Variants in TMEM132C observed in about 807,000 individuals in gnomAD.
The protein encoded by TMEM132C is transmembrane protein 132C, also known as protein phosphatase 1, regulatory subunit 152.
TMEM132C carries 29 observed loss-of-function variants against 61.4 expected under a neutral mutation model. That is an observed-to-expected ratio of 0.47 (90% CI 0.35 to 0.64). TMEM132C has a LOEUF of 0.64. Among genes scored for constraint, TMEM132C ranks in the 30% least tolerant of loss-of-function variants. The pLI, the probability that TMEM132C is intolerant of heterozygous loss-of-function variation, is 0.00. For synonymous variants in TMEM132C, 656 were observed against 633.1 expected (o/e 1.04, Z -0.54); for missense variants, 1,408 against 1,476.9 (o/e 0.95, Z 0.76).
At chr12:128,516,334 C>T (rs546754130) in intron 2 of TMEM132C, among the ~76,000 whole-genome samples, 9 of 152,258 alleles carry the variant, frequency 5.9e-5, no homozygotes, top group East Asian at 5.8e-4. Flanking sequence ...GCAGCTCTCA[C>T]GTGCGTTAGG....
At chr12:128,701,148 G>C (rs1593153944) in intron 8 of TMEM132C, among the ~76,000 whole-genome samples, 1 of 151,974 alleles carries the variant, frequency 6.6e-6, no homozygotes, top group Non-Finnish European at 1.5e-5. Flanking sequence ...TTCATTGAGG[G>C]CTGCCCACAG....
chr12:128,440,688 G>A (rs1869752409), intron 2 of TMEM132C, among the ~76,000 whole-genome samples: 1 of 152,236 alleles, frequency 6.6e-6, no homozygotes, highest in Non-Finnish European at 1.5e-5. Context: ...GGGAAAGTGA[G>A]TTTCTAGCTT....
At chr12:128,548,900 T>C (rs11829846) in intron 3 of TMEM132C, among the ~76,000 whole-genome samples, 9,354 of 152,310 alleles carry the variant, frequency 0.061, 872 homozygotes, top group African/African-American at 0.21. Context: ...ATTTAAAGTA[T>C]GCAGGAGGAT....
intron 1 of TMEM132C, among the ~76,000 whole-genome samples, chr12:128,332,770 T>G (rs563479514): frequency 6.6e-6 from 1 of 152,316 alleles, no homozygotes; most frequent in Non-Finnish European, 1.5e-5. Flanking sequence ...CTCTCCCTTC[T>G]TTTCCTCTAG....
chr12:128,498,749 A>T (rs1029225715), intron 2 of TMEM132C, among the ~76,000 whole-genome samples: 9 of 152,188 alleles, frequency 5.9e-5, no homozygotes, highest in African/African-American at 1.9e-4. Flanking sequence ...AAATGAAATT[A>T]AAAAATTTTC....
rs1301589419 is a variant in TMEM132C, at chr12:128,343,508, T to A, written c.86-71224T>A. 3.3e-5 allele frequency among the ~76,000 whole-genome samples: 5 copies of A among 152,156 alleles called. No individual in the cohort carries two copies. In the East Asian group the frequency reaches 7.7e-4, roughly 23 times the overall value. On this transcript the variant is annotated intron_variant, in intron 1 of 8. Coordinates refer to ENST00000435159, the MANE Select transcript of TMEM132C (RefSeq NM_001136103.3). ...TACTGTTACCAGTTTCTCATAAGGT[T>A]AGAGCTGTTGGCCCTTACTGAGTAT... is the stretch of plus-strand genomic sequence containing the variant.
At chr12:128,619,121 A>G (rs1222906951) in intron 4 of TMEM132C, among the ~76,000 whole-genome samples, 1 of 152,220 alleles carries the variant, frequency 6.6e-6, no homozygotes, top group East Asian at 1.9e-4. Context: ...ACTGAGCACA[A>G]AGCAAATCCT....
At chr12:128,338,869 C>T (rs1295777732) in intron 1 of TMEM132C, among the ~76,000 whole-genome samples, 1 of 151,336 alleles carries the variant, frequency 6.6e-6, no homozygotes, top group Non-Finnish European at 1.5e-5. Context: ...GAGGCAAGCC[C>T]AGGCTCCCCT....
chr12:128,498,582 A>G (rs6486691), intron 2 of TMEM132C, among the ~76,000 whole-genome samples: 54,507 of 151,862 alleles, frequency 0.36, 10,015 homozygotes, highest in East Asian at 0.57. Context: ...GGCTGAGGCA[A>G]GAGAATTGCT....
chr12:128,670,760 G>A (rs967550813), intron 5 of TMEM132C, among the ~76,000 whole-genome samples: 1 of 152,186 alleles, frequency 6.6e-6, no homozygotes, highest in Admixed American at 6.5e-5. Flanking sequence ...AATAAGTGAA[G>A]TGGTAAATTG....
intron 2 of TMEM132C, among the ~76,000 whole-genome samples, chr12:128,517,870 C>T (rs975605588): frequency 2.6e-5 from 4 of 152,078 alleles, no homozygotes; most frequent in Non-Finnish European, 5.9e-5. Flanking sequence ...TGCAAATCTT[C>T]GTGTAATGCC....
intron 2 of TMEM132C, among the ~76,000 whole-genome samples, chr12:128,427,636 C>A (rs1869240780): frequency 6.6e-6 from 1 of 152,052 alleles, no homozygotes; most frequent in Non-Finnish European, 1.5e-5. Flanking sequence ...GATACTCCAT[C>A]CAGCTACGTT....
chr12:128,590,507 G>A (rs2135566035), intron 3 of TMEM132C, among the ~76,000 whole-genome samples: 1 of 152,332 alleles, frequency 6.6e-6, no homozygotes, highest in African/African-American at 2.4e-5. Context: ...CCAAGGCTGT[G>A]TGAGTCAAGG....
chr12:128,470,679 A>G (rs1228627253), intron 2 of TMEM132C, among the ~76,000 whole-genome samples: 1 of 152,204 alleles, frequency 6.6e-6, no homozygotes, highest in Non-Finnish European at 1.5e-5. Flanking sequence ...GTTCAGTCAA[A>G]TTTACTATGC....
intron 1 of TMEM132C, among the ~76,000 whole-genome samples, chr12:128,391,642 G>A (rs1413929068): frequency 6.6e-6 from 1 of 152,194 alleles, no homozygotes; most frequent in African/African-American, 2.4e-5. Flanking sequence ...TCATGAACCA[G>A]CCTTAGGAGG....
chr12:128,619,536 G>GT (rs1953937950), intron 4 of TMEM132C, among the ~76,000 whole-genome samples: 1 of 152,180 alleles, frequency 6.6e-6, no homozygotes, highest in Admixed American at 6.5e-5. Flanking sequence ...CAAGGCCACC[G>GT]TTTTGCTCGT....
At chr12:128,299,861 C>G (rs1871541542) in intron 1 of TMEM132C, among the ~76,000 whole-genome samples, 1 of 152,220 alleles carries the variant, frequency 6.6e-6, no homozygotes, top group Non-Finnish European at 1.5e-5. Context: ...TCACATAACT[C>G]TAAGATGTTA....
chr12:128,383,328 G>T (rs926594634), intron 1 of TMEM132C, among the ~76,000 whole-genome samples: 2 of 152,134 alleles, frequency 1.3e-5, no homozygotes, highest in Non-Finnish European at 2.9e-5. Context: ...TTCAGCTTTC[G>T]CAATGGCCAA....
At chr12:128,444,930 C>T (rs1379950534) in intron 2 of TMEM132C, among the ~76,000 whole-genome samples, 1 of 152,016 alleles carries the variant, frequency 6.6e-6, no homozygotes, top group Non-Finnish European at 1.5e-5. Context: ...CGGAGATAGG[C>T]GAGACTAAAA....
Sources: allele counts gnomAD v4.1 joint callset (sites outside exome capture counted in the v4.1 genomes callset), GRCh38; gene constraint gnomAD v4.1.1; transcripts MANE v1.5; gene names NCBI Gene and HGNC (gene_info 2026-07-23, HGNC 2026-07-21).